STAC2: variants seen among roughly 807,000 people sequenced by gnomAD.
STAC2 encodes the protein SH3 and cysteine-rich domain-containing protein 2.
STAC2 carries 36 observed loss-of-function variants against 49.0 expected under a neutral mutation model. The ratio of observed to expected loss-of-function variants is 0.74; its 90% CI spans 0.56 to 0.97. STAC2 has a LOEUF of 0.97. Among genes scored for constraint, STAC2 ranks in the 50% least tolerant of loss-of-function variants. The pLI is 0.00. For synonymous variants in STAC2, 239 were observed against 214.7 expected (o/e 1.11, Z -0.99); for missense variants, 527 against 543.8 (o/e 0.97, Z 0.31).
Position 39,223,816 on chromosome 17 carries a change from A to G in STAC2, c.90+1597T>C, listed in dbSNP as rs145635358. Among the ~76,000 whole-genome samples the G allele has an allele frequency of 1.6e-3, 243 of 152,266 alleles. 2 individuals are homozygous for G. Among genetic ancestry groups the G allele is most frequent in the African/African-American group, 5.5e-3 (230 of 41,554 alleles). ...GGCAACCGAAATCAGGGGCATTGGA[A>G]CTCAGGGGAGGTTCAGCTCCTAGAC... On this transcript the variant is annotated intron_variant, in intron 1 of 10. Transcript: ENST00000333461.
Position 39,225,423 on chromosome 17 carries a change from T to C in STAC2, c.80A>G (p.Gln27Arg). The change falls in exon 1 of 11, where the codon CAG becomes CGG. Residue 27 changes from glutamine (Q) to arginine (R), a missense_variant. Physicochemically the swap from Gln to Arg is conservative, Grantham distance 43 (BLOSUM62 1). Coordinates refer to ENST00000333461, the MANE Select transcript of STAC2 (RefSeq NM_198993.5). This position sits in a 1 kb window ranked among gnomAD's most constrained non-coding sequence, Gnocchi z 8.2. ...HSPPGTVSAL[Q>R]ETKLQRFKRS... ...CGCCCCCCAAGTTACCTTGGTTTCC[T>C]GGAGGGCGGAGACGGTCCCTGGGGG... is the stretch of plus-strand genomic sequence containing the variant. 1 of 1,603,984 alleles carries C rather than the reference T, an allele frequency of 6.2e-7. No homozygotes were observed. The highest frequency in any genetic ancestry group is 8.5e-7 in the Non-Finnish European group (1 of 1,176,986).
intron 1 of STAC2, among the ~76,000 whole-genome samples, chr17:39,221,647 G>C (rs990510730): frequency 1.3e-5 from 2 of 152,224 alleles, no homozygotes; most frequent in African/African-American, 4.8e-5. Context: ...AGCAGAGCCA[G>C]GACTTGAACC....
intron 2 of STAC2, among the ~76,000 whole-genome samples, 171 bp from the exon 3 acceptor site, chr17:39,217,344 G>A (rs977703292): frequency 2.0e-5 from 3 of 152,118 alleles, no homozygotes; most frequent in Non-Finnish European, 2.9e-5. Flanking sequence ...AGCCAGAGTC[G>A]TTAGTAAACA....
At position 39,215,202 on chromosome 17, in the gene STAC2, G is replaced by A. The variant is rs201624343; in HGVS notation, c.615C>T (p.Tyr205=). The A allele has an allele frequency of 2.3e-5, 37 of 1,613,992 alleles. No individual in the cohort carries two copies. The highest frequency in any genetic ancestry group is 1.6e-4 in the East Asian group (7 of 44,882). ...GGGAGGTGCCATAGCGCAGGGTCTCGTAGACAGGGTCCACCTTCCCACTGT... is the reference window on the plus strand; with the variant it reads ...GGGAGGTGCCATAGCGCAGGGTCTCATAGACAGGGTCCACCTTCCCACTGT... ...TGDSGKVDPV[Y]ETLRYGTSLA... is the part of the protein sequence containing the mutation. The change falls in exon 5 of 11, where the codon TAC becomes TAT. Residue 205 remains tyrosine (Y), a synonymous_variant. Transcript: ENST00000333461.
chr17:39,210,739 G>C lies in STAC2; in HGVS notation c.*1553C>G, dbSNP rs1490863230. 3 of 152,468 alleles carry C rather than the reference G, an allele frequency of 2.0e-5. No individual in the cohort carries two copies. Among genetic ancestry groups the C allele is most frequent in the Non-Finnish European group, 4.4e-5 (3 of 68,058 alleles). The allele number at this position is 152,468 out of a possible 1,614,324, so 9.4% of individuals were successfully genotyped here. A position where few individuals can be genotyped will look rare whatever the true frequency, so the allele number is the denominator to read the frequency against. On this transcript the variant is annotated 3_prime_UTR_variant, in exon 11 of 11. Transcript: ENST00000333461. ...TGGGGCAGGGGCCTTTGGGTACGAG[G>C]GTCTGTGTTTCTCCCACTGCATGGG... is the stretch of plus-strand genomic sequence containing the variant.
rs545207979 is a variant in STAC2 at position 39,218,100 on chromosome 17, C to A, written c.164G>T (p.Arg55Leu). The change falls in exon 2 of 11, where the codon CGC becomes CTC. Residue 55 changes from arginine (R) to leucine (L), a missense_variant. Coordinates refer to ENST00000333461, the MANE Select transcript of STAC2 (RefSeq NM_198993.5). ...GGGGCACTTGAGCTCAGAGCCCGAG[C>A]GAAGGAAGAAGTTCTCCAAGCTCTT... ...RSKSLENFFL[R>L]SGSELKCPTE... 4 of 1,613,114 alleles carry A rather than the reference C, an allele frequency of 2.5e-6. No individual in the cohort carries two copies. In the South Asian group the frequency reaches 4.4e-5, roughly 18 times the overall value.
At chr17:39,216,608 T>C (rs1297162556) in intron 4 of STAC2, among the ~76,000 whole-genome samples, 1 of 152,204 alleles carries the variant, frequency 6.6e-6, no homozygotes, top group African/African-American at 2.4e-5. Context: ...TGTTGATTTC[T>C]TTCTTTTTTT....
intron 1 of STAC2, among the ~76,000 whole-genome samples, chr17:39,223,170 G>A (rs2046478235): frequency 6.6e-6 from 1 of 152,184 alleles, no homozygotes; most frequent in Non-Finnish European, 1.5e-5. Flanking sequence ...GAAGGGCATT[G>A]GCCCCCTCTG....
At position 39,213,555 on chromosome 17, in the gene STAC2, A is replaced by G. The variant is rs765188977; in HGVS notation, c.945T>C (p.Pro315=). 2.0e-5 allele frequency: 33 copies of G among 1,613,356 alleles called. No individual in the cohort carries two copies. Among genetic ancestry groups the G allele is most frequent in the Middle Eastern group, 1.7e-4 (1 of 6,060 alleles). ...CATCCACCAGCATGATCCGATCTCC[A>G]GGCCTGGGGAGGACAGAGCTAGGGT... ...PQENNDLALQ[P]GDRIMLVDDS... Residue 315 remains proline (P), a synonymous_variant, in exon 9 of 11, where the codon CCT becomes CCC. Coordinates refer to ENST00000333461, the MANE Select transcript of STAC2 (RefSeq NM_198993.5).
In STAC2 at chr17:39,218,174, C is replaced by G. The variant is rs769901587; in HGVS notation, c.91-1G>C. 1.9e-6 allele frequency: 3 copies of G among 1,613,006 alleles called. No homozygotes were observed. In the Admixed American group the frequency reaches 5.0e-5, roughly 27 times the overall value. ...AGAGGGAGCGCTTGAATCGCTGGAGCTGGGAGAAAAAGAGGGAGCTGTGAG... is the reference window on the plus strand; with the variant it reads ...AGAGGGAGCGCTTGAATCGCTGGAGGTGGGAGAAAAAGAGGGAGCTGTGAG... On this transcript the variant is annotated splice_acceptor_variant, in intron 1 of 10. Transcript: ENST00000333461. LOFTEE classifies it high-confidence loss of function.
chr17:39,215,207 C>A lies in STAC2; in HGVS notation c.610G>T (p.Val204Phe). 3.7e-6 allele frequency: 6 copies of A among 1,614,030 alleles called. No individual in the cohort carries two copies. The highest frequency in any genetic ancestry group is 5.1e-6 in the Non-Finnish European group (6 of 1,180,004). ...PTGDSGKVDPVYETLRYGTSL... is the reference protein window; with the variant it reads ...PTGDSGKVDPFYETLRYGTSL... ...GTGCCATAGCGCAGGGTCTCGTAGA[C>A]AGGGTCCACCTTCCCACTGTCCCCT... Residue 204 changes from valine (V) to phenylalanine (F), a missense_variant, in exon 5 of 11, where the codon GTC (valine) becomes TTC (phenylalanine). Transcript: ENST00000333461.
intron 8 of STAC2, 111 bp from the exon 9 acceptor site, chr17:39,213,669 A>ATTTTTTTTT (rs1185929939): frequency 2.0e-6 from 1 of 490,770 alleles, no homozygotes; most frequent in African/African-American, 2.3e-5. Flanking sequence ...GGGAGAGACG[A>ATTTTTTTTT]TTCTTTTTTT....
chr17:39,212,482 C>G (rs924807907), intron 10 of STAC2, 86 bp from the exon 11 acceptor site: 3 of 1,009,152 alleles, frequency 3.0e-6, no homozygotes, highest in Non-Finnish European at 4.5e-6. Context: ...GGGGACCCAC[C>G]CTGGGGGATG....
intron 3 of STAC2, 56 bp from the exon 4 acceptor site, chr17:39,216,956 GGT>G: frequency 2.5e-6 from 4 of 1,580,064 alleles, no homozygotes; most frequent in Non-Finnish European, 1.7e-6. Flanking sequence ...TGGAGAACTT[GGT>G]CCTTCCCAAG....
rs915461909 is a variant in STAC2 at position 39,218,287 on chromosome 17, G to A, written c.91-114C>T. 3.0e-5 allele frequency: 33 copies of A among 1,111,252 alleles called. 1 individual carries two copies. The highest frequency in any genetic ancestry group is 7.7e-5 in the African/African-American group (5 of 64,946). 68.8% of individuals were successfully genotyped at this position (1,111,252 alleles called of 1,614,324 possible). Reference sequence around the variant, plus strand: ...CGGCAGCAGCAGCAGCAGCAGCAGCGTGGGGGCTGAGGGCCAGAGCGAAAT... The same window carrying A: ...CGGCAGCAGCAGCAGCAGCAGCAGCATGGGGGCTGAGGGCCAGAGCGAAAT... On this transcript the variant is annotated intron_variant, in intron 1 of 10. Coordinates refer to ENST00000333461, the MANE Select transcript of STAC2 (RefSeq NM_198993.5).
intron 1 of STAC2, among the ~76,000 whole-genome samples, chr17:39,220,306 A>C (rs1305582552): frequency 1.3e-5 from 2 of 152,154 alleles, no homozygotes; most frequent in Non-Finnish European, 2.9e-5. Flanking sequence ...GGGCCCCAAG[A>C]GGCAGGTGAA....
At chr17:39,213,439 G>T in intron 9 of STAC2, 68 bp downstream of exon 9, 1 of 1,582,476 alleles carries the variant, frequency 6.3e-7, no homozygotes. Flanking sequence ...TGGGGGCAGT[G>T]CCCATTGGGG....
rs765981742 is a variant in STAC2, at chr17:39,218,068, C to A, written c.196G>T (p.Val66Leu). ...AGTGGGGTTGGGGGCGTCAGCAGCA[C>A]CTCGGTGGGGCACTTGAGCTCAGAG... The part of the protein sequence containing the change: ...SGSELKCPTE[V>L]LLTPPTPLPP... Residue 66 changes from valine (V) to leucine (L), a missense_variant, in exon 2 of 11, where the codon GTG becomes TTG. Val to Leu is a conservative substitution (Grantham distance 32). Coordinates refer to ENST00000333461, the MANE Select transcript of STAC2 (RefSeq NM_198993.5). 6.2e-7 allele frequency: 1 copy of A among 1,611,768 alleles called. No homozygotes were observed. Among genetic ancestry groups the A allele is most frequent in the Non-Finnish European group, 8.5e-7 (1 of 1,179,862 alleles).
chr17:39,214,706 C>T (rs1013641195), intron 7 of STAC2, 85 bp downstream of exon 7: 5 of 1,487,790 alleles, frequency 3.4e-6, no homozygotes, highest in East Asian at 2.3e-5. Context: ...GCACCATGCT[C>T]TTGCCCCCCT....
Sources: allele counts gnomAD v4.1 joint callset (sites outside exome capture counted in the v4.1 genomes callset), GRCh38; gene constraint gnomAD v4.1.1; non-coding constraint Gnocchi (gnomAD v3.1); transcripts MANE v1.5; gene names NCBI Gene and HGNC (gene_info 2026-07-23, HGNC 2026-07-21).